MAP3K12: variants seen among roughly 807,000 people sequenced by gnomAD.
MAP3K12 encodes mitogen-activated protein kinase kinase kinase 12, also known as MAPK-upstream kinase.
In MAP3K12, 14 loss-of-function variants were observed where a neutral mutation model predicts 87.5. The observed-to-expected ratio is 0.16, with a 90% CI of 0.11 to 0.25. The LOEUF (loss-of-function observed/expected upper bound fraction) is 0.25. MAP3K12 is among the 10% of genes least tolerant of loss of function. The pLI is 1.00. For missense variants in MAP3K12, 802 were observed against 1,140.4 expected, an observed-to-expected ratio of 0.70 and a Z score of 4.27; for synonymous variants, 469 against 452.5, an observed-to-expected ratio of 1.04 and a Z score of -0.46.
At chr12:53,491,186 G>C (rs1005867702) in intron 1 of MAP3K12, among the ~76,000 whole-genome samples, 2 of 147,328 alleles carry the variant, frequency 1.4e-5, no homozygotes, top group Admixed American at 7.0e-5. Flanking sequence ...TACTCGGGAG[G>C]CTGAAGCAGG....
chr12:53,481,831 A>T (rs1475120660), intron 13 of MAP3K12, 110 bp downstream of exon 13: 4 of 1,346,460 alleles, frequency 3.0e-6, no homozygotes, highest in African/African-American at 2.9e-5. Context: ...TTTGCTCTTT[A>T]TGGTACTTTC....
intron 1 of MAP3K12, among the ~76,000 whole-genome samples, chr12:53,491,154 G>T (rs1473841706): frequency 6.6e-6 from 1 of 151,418 alleles, no homozygotes; most frequent in African/African-American, 2.4e-5. Flanking sequence ...CAGGTGGGGC[G>T]GCGGTCGCCT....
intron 5 of MAP3K12, 22 bp downstream of exon 5, chr12:53,485,295 C>T (rs1487153482): frequency 6.2e-7 from 1 of 1,608,586 alleles, no homozygotes; most frequent in African/African-American, 1.3e-5. Flanking sequence ...CCACTCTTCT[C>T]AGTTTTCAGC....
chr12:53,485,036 C>G lies in MAP3K12; in HGVS notation c.1139+20G>C. ...TCTCAACTTCTCCAGGCCCAGTATC[C>G]CAGCCCAGACCATCCTTACCAGCAC... On this transcript the variant is annotated intron_variant, in intron 6 of 13. Coordinates refer to ENST00000547488, the MANE Select transcript of MAP3K12 (RefSeq NM_001193511.2). The G allele has an allele frequency of 6.2e-7, 1 of 1,613,988 alleles. No individual in the cohort carries two copies. The highest frequency in any genetic ancestry group is 8.5e-7 in the Non-Finnish European group (1 of 1,179,988).
At chr12:53,501,300 G>C, upstream of MAP3K12, 1 of 1,273,348 alleles carries the variant, frequency 7.9e-7, no homozygotes, top group Middle Eastern at 2.4e-4. Flanking sequence ...CCCGCGGCGG[G>C]CCCTACCGGC....
intron 1 of MAP3K12, chr12:53,492,933 T>A (rs2137227770): frequency 6.6e-6 from 1 of 152,128 alleles, no homozygotes; most frequent in East Asian, 2.0e-4. Context: ...TCACCAGCAA[T>A]GGAAGGACGA....
intron 1 of MAP3K12, among the ~76,000 whole-genome samples, chr12:53,496,917 A>G (rs182442655): frequency 1.3e-5 from 2 of 152,346 alleles, no homozygotes; most frequent in East Asian, 3.9e-4. Flanking sequence ...GCTCCTGGCC[A>G]GTTGGGTGAC....
At chr12:53,485,532 C>G (rs1943204724) in intron 4 of MAP3K12, 57 bp from the exon 5 acceptor site, 2 of 1,553,762 alleles carry the variant, frequency 1.3e-6, no homozygotes, top group Non-Finnish European at 1.7e-6. Context: ...TCATCTAACT[C>G]TGCAGCAACT....
chr12:53,491,581 C>T (rs1047535157), intron 1 of MAP3K12, among the ~76,000 whole-genome samples: 19 of 151,102 alleles, frequency 1.3e-4, no homozygotes, highest in African/African-American at 4.3e-4. Context: ...CTACAGGCGC[C>T]CGCCACGACG....
At chr12:53,484,828 C>G (rs1943183321) in intron 6 of MAP3K12, 1 of 581,702 alleles carries the variant, frequency 1.7e-6, no homozygotes, top group African/African-American at 1.9e-5. Context: ...CATGACAAAT[C>G]AGGAATGCAG....
At chr12:53,493,789 T>C (rs571663219) in intron 1 of MAP3K12, 24 of 152,302 alleles carry the variant, frequency 1.6e-4, no homozygotes, top group African/African-American at 5.3e-4. Context: ...TCAGAGACAC[T>C]TGCAGCCAGC....
intron 13 of MAP3K12, chr12:53,481,556 G>C: frequency 6.8e-6 from 2 of 293,754 alleles, no homozygotes; most frequent in South Asian, 1.1e-4. Context: ...TACCATATTG[G>C]TCAGGCTGGT....
chr12:53,481,245 G>C lies in MAP3K12; in HGVS notation c.2616C>G (p.Ser872Arg). 6.4e-6 allele frequency: 10 copies of C among 1,568,740 alleles called. No homozygotes were observed. The highest frequency in any genetic ancestry group is 8.6e-6 in the Non-Finnish European group (10 of 1,157,598). The stretch of plus-strand genomic sequence containing the variant: ...CGCTGTTGGAGTTGTCCAATTCAGT[G>C]CTGTCACAGTCTGAGTCCTCAGAAT... ...PPNSEDSDCD[S>R]TELDNSNSVD... The change falls in exon 14 of 14, where the codon AGC becomes AGG. Residue 872 changes from serine to arginine, a missense_variant. Physicochemically the swap from Ser to Arg is moderately radical, Grantham distance 110. Coordinates refer to ENST00000547488, the MANE Select transcript of MAP3K12 (RefSeq NM_001193511.2).
Position 53,482,877 on chromosome 12 carries a change from C to A in MAP3K12, c.1926G>T (p.Ser642=). The part of the protein sequence containing the change: ...HDLLLRKMSS[S]SPDLLSAALG... ...GTGCTGCTGACAGCAGGTCTGGGGA[C>A]GATGAAGACATTTTGCGGAGCAGGA... is the stretch of plus-strand genomic sequence containing the variant. Residue 642 remains serine, a synonymous_variant, in exon 11 of 14, where the codon TCG becomes TCT. Transcript: ENST00000547488. 1.2e-6 allele frequency: 2 copies of A among 1,612,754 alleles called. No homozygotes were observed. Among genetic ancestry groups the A allele is most frequent in the South Asian group, 2.2e-5 (2 of 90,980 alleles).
At chr12:53,494,907 C>T (rs1010329839) in intron 1 of MAP3K12, among the ~76,000 whole-genome samples, 14 of 152,204 alleles carry the variant, frequency 9.2e-5, no homozygotes, top group African/African-American at 3.1e-4. Flanking sequence ...AACAGGGTCT[C>T]GCTTTGTTGC....
At chr12:53,490,148 T>G (rs952315720) in intron 1 of MAP3K12, among the ~76,000 whole-genome samples, 6 of 151,378 alleles carry the variant, frequency 4.0e-5, no homozygotes, top group African/African-American at 1.2e-4. Context: ...ACTAAAAATC[T>G]CCAAAATTAG....
At chr12:53,485,783 C>T (rs1943212556) in intron 4 of MAP3K12, 1 of 519,650 alleles carries the variant, frequency 1.9e-6, no homozygotes, top group Non-Finnish European at 3.4e-6. Context: ...GTCTCGATCT[C>T]TTGACCTTGT....
chr12:53,486,951 C>T lies in MAP3K12; in HGVS notation c.441G>A (p.Gln147=). Residue 147 remains glutamine, a synonymous_variant, in exon 2 of 14, where the codon CAG becomes CAA. Coordinates refer to ENST00000547488, the MANE Select transcript of MAP3K12 (RefSeq NM_001193511.2). The surrounding 1 kb of genome is among the most constrained non-coding windows in gnomAD (Gnocchi z 4.9). ...TCCCACAAGGACGTGGCCTACCTTC[C>T]TGCTGCTGCTTGTGCTCAGTGGAGT... ...KAYSTEHKQQ[Q]EDLWEVPFEE... 1 of 1,612,234 alleles carries T rather than the reference C, an allele frequency of 6.2e-7. No homozygotes were observed. Among genetic ancestry groups the T allele is most frequent in the African/African-American group, 1.3e-5 (1 of 74,994 alleles).
rs534643411 is a variant in MAP3K12, at chr12:53,481,373, A to G, written c.2581-93T>C. ...GTGGCTTACTGATTTGTTTTTTAAG[A>G]CAGAGTCTCACTCTCGCCCAGGCTG... On this transcript the variant is annotated intron_variant, in intron 13 of 13. Coordinates refer to ENST00000547488, the MANE Select transcript of MAP3K12 (RefSeq NM_001193511.2). 1.2e-4 allele frequency: 65 copies of G among 554,752 alleles called. 1 individual carries two copies. The East Asian group carries it at 2.8e-3, about 24-fold the overall frequency. The allele number at this position is 554,752 out of a possible 1,614,324, so 34.4% of individuals were successfully genotyped here. A position where few individuals can be genotyped will look rare whatever the true frequency, so the allele number is the denominator to read the frequency against.
Sources: allele counts gnomAD v4.1 joint callset (sites outside exome capture counted in the v4.1 genomes callset), GRCh38; gene constraint gnomAD v4.1.1; non-coding constraint Gnocchi (gnomAD v3.1); transcripts MANE v1.5; gene names NCBI Gene and HGNC (gene_info 2026-07-23, HGNC 2026-07-21).